Variants in KANK1 observed in about 807,000 individuals in gnomAD.
The protein encoded by KANK1 is KN motif and ankyrin repeat domains 1.
Under a neutral mutation model 106.2 loss-of-function variants are expected in KANK1, and 109 were observed. The observed-to-expected ratio is 1.03, with a 90% confidence interval of 0.88 to 1.20. The LOEUF (loss-of-function observed/expected upper bound fraction) is 1.20. KANK1 is among the 50% of genes most tolerant of loss of function. KANK1 has a pLI of 0.00. For synonymous variants in KANK1, 873 were observed against 652.2 expected (o/e 1.34, Z -5.16); for missense variants, 2,399 against 1,710.7 (o/e 1.40, Z -7.10).
chr9:631,578 G>A lies in KANK1; in HGVS notation c.-83-45312G>A, dbSNP rs558811647. On this transcript the variant is annotated intron_variant, in intron 1 of 11. Coordinates refer to ENST00000382297, the MANE Select transcript of KANK1 (RefSeq NM_015158.5). ...CCTCCTCCTCTAGGCAAGGCAAGTC[G>A]TTTTCCTCATCTCAGCCAGAGCAGT... Among the ~76,000 whole-genome samples, 45 of 152,178 alleles carry A rather than the reference G, an allele frequency of 3.0e-4. 1 individual carries two copies. Among genetic ancestry groups the A allele is most frequent in the African/African-American group, 9.2e-4 (38 of 41,492 alleles).
intron 1 of KANK1, among the ~76,000 whole-genome samples, chr9:663,973 C>T (rs987039264): frequency 2.0e-5 from 3 of 152,094 alleles, no homozygotes; most frequent in Middle Eastern, 3.2e-3. Context: ...TATGGTTTGG[C>T]TGTATCCTCA....
At chr9:610,014 A>G (rs1031457430) in intron 1 of KANK1, among the ~76,000 whole-genome samples, 1 of 152,150 alleles carries the variant, frequency 6.6e-6, no homozygotes, top group South Asian at 2.1e-4. Flanking sequence ...AGCCTTTACA[A>G]TTATAATGAT....
intron 1 of KANK1, among the ~76,000 whole-genome samples, chr9:675,542 T>C (rs980683417): frequency 2.6e-5 from 4 of 152,150 alleles, no homozygotes; most frequent in Non-Finnish European, 5.9e-5. Context: ...AATTTTGTGA[T>C]TGAAATATAA....
chr9:636,650 G>A (rs894742862), intron 1 of KANK1, among the ~76,000 whole-genome samples: 3 of 152,160 alleles, frequency 2.0e-5, no homozygotes, highest in East Asian at 3.9e-4. Context: ...GGCGGATCAC[G>A]AGGTCAGGAG....
intron 3 of KANK1, among the ~76,000 whole-genome samples, chr9:475,297 TGCTA>T (rs2058084480): frequency 6.6e-6 from 1 of 152,024 alleles, no homozygotes; most frequent in African/African-American, 2.4e-5. Flanking sequence ...CCCTCCCAAA[TGCTA>T]GCAGGCCACT....
intron 2 of KANK1, chr9:707,013 C>T (rs1163098527): frequency 4.1e-6 from 4 of 985,324 alleles, no homozygotes; most frequent in Admixed American, 6.1e-5. Flanking sequence ...ATTAAGAAAA[C>T]AGGGAATGCG....
intron 1 of KANK1, among the ~76,000 whole-genome samples, chr9:568,479 C>G (rs1250561691): frequency 1.3e-5 from 2 of 152,140 alleles, no homozygotes; most frequent in East Asian, 3.9e-4. Flanking sequence ...GAGGCAGAGA[C>G]TTGCTCTGTG....
intron 3 of KANK1, among the ~76,000 whole-genome samples, chr9:722,519 C>T (rs1455689097): frequency 4.6e-5 from 7 of 152,122 alleles, no homozygotes; most frequent in South Asian, 4.2e-4. Flanking sequence ...ACGTTTTCTT[C>T]GTTTTGCTCA....
At chr9:544,788 A>T (rs763922357) in intron 1 of KANK1, among the ~76,000 whole-genome samples, 33 of 145,944 alleles carry the variant, frequency 2.3e-4, no homozygotes, top group Non-Finnish European at 4.5e-4. Context: ...TTTAGAACCA[A>T]AGAGAGTTTA....
At chr9:577,688 A>G (rs966381096) in intron 1 of KANK1, among the ~76,000 whole-genome samples, 1 of 152,186 alleles carries the variant, frequency 6.6e-6, no homozygotes, top group Non-Finnish European at 1.5e-5. Context: ...AGAAGTACAC[A>G]TTCTCAAGTT....
At chr9:705,356 C>G (rs1823793573) in intron 2 of KANK1, among the ~76,000 whole-genome samples, 1 of 152,086 alleles carries the variant, frequency 6.6e-6, no homozygotes, top group Non-Finnish European at 1.5e-5. Context: ...CGTGGTGGCA[C>G]ACGCCTGTAA....
intron 1 of KANK1, among the ~76,000 whole-genome samples, chr9:581,045 C>T (rs1044236589): frequency 6.6e-5 from 10 of 151,844 alleles, no homozygotes; most frequent in Non-Finnish European, 8.8e-5. Flanking sequence ...AGGGGCCGGC[C>T]GCTCCAAGTG....
chr9:680,225 A>G (rs1431538687), intron 2 of KANK1, among the ~76,000 whole-genome samples: 4 of 152,148 alleles, frequency 2.6e-5, no homozygotes, highest in Non-Finnish European at 5.9e-5. Flanking sequence ...CCATAGTGTT[A>G]GTAATAAAAC....
chr9:664,091 A>G lies in KANK1; in HGVS notation c.-83-12799A>G, dbSNP rs577995207. On this transcript the variant is annotated intron_variant, in intron 1 of 11. Transcript: ENST00000382297. ...GCAGTTACCCTGATTCTGTTCTTGT[A>G]ATAGTGAGTTTTCATGAGATCTTTA... is the stretch of plus-strand genomic sequence containing the variant. Among the ~76,000 whole-genome samples the G allele has an allele frequency of 1.6e-4, 25 of 152,234 alleles. No individual in the cohort carries two copies. In the South Asian group the frequency reaches 4.8e-3, roughly 29 times the overall value.
At chr9:739,338 T>C (rs1469280277) in intron 8 of KANK1, among the ~76,000 whole-genome samples, 1 of 152,232 alleles carries the variant, frequency 6.6e-6, no homozygotes, top group Non-Finnish European at 1.5e-5. Context: ...AACCTTAGAA[T>C]ATGCAATCAT....
chr9:712,419 C>A lies in KANK1; in HGVS notation c.1653C>A (p.Cys551Ter). The change falls in exon 3 of 12, where the codon TGC becomes TGA. Residue 551 changes from cysteine (C) to a stop codon, truncating the protein, a stop_gained. Coordinates refer to ENST00000382297, the MANE Select transcript of KANK1 (RefSeq NM_015158.5). LOFTEE classifies it high-confidence loss of function. ...SVETNSVGIS[C>*]QPECKNKVVG... ...AAACAAACAGTGTAGGCATCTCCTG[C>A]CAGCCTGAATGTAAGAATAAAGTCG... 4 of 1,614,124 alleles carry A rather than the reference C, an allele frequency of 2.5e-6. No homozygotes were observed. Among genetic ancestry groups the A allele is most frequent in the Non-Finnish European group, 3.4e-6 (4 of 1,180,040 alleles).
chr9:710,902 C>T lies in KANK1; in HGVS notation c.136C>T (p.Leu46Phe). The T allele has an allele frequency of 8.7e-6, 14 of 1,614,120 alleles. No homozygotes were observed. The highest frequency in any genetic ancestry group is 1.2e-5 in the Non-Finnish European group (14 of 1,180,008). Residue 46 changes from leucine to phenylalanine, a missense_variant, in exon 3 of 12, where the codon CTC becomes TTC. Physicochemically the swap from Leu to Phe is conservative, Grantham distance 22. Coordinates refer to ENST00000382297, the MANE Select transcript of KANK1 (RefSeq NM_015158.5). ...PYGYQLDLDFLKYVDDIQKGN... is the reference protein window; with the variant it reads ...PYGYQLDLDFFKYVDDIQKGN... ...TGGTTATCAACTAGACTTAGATTTC[C>T]TCAAATATGTGGATGACATACAGAA...
chr9:618,100 T>C (rs1832279022), intron 1 of KANK1, among the ~76,000 whole-genome samples: 1 of 152,300 alleles, frequency 6.6e-6, no homozygotes, highest in Admixed American at 6.5e-5. Flanking sequence ...CTGCTTCCTT[T>C]AGGTAAGGAA....
intron 1 of KANK1, among the ~76,000 whole-genome samples, chr9:585,910 CAG>C (rs1321655934): frequency 1.3e-5 from 2 of 152,178 alleles, no homozygotes; most frequent in South Asian, 4.1e-4. Flanking sequence ...TGAAGGTCAA[CAG>C]GGGAGTTTAT....
Sources: gnomAD v4.1 joint callset for allele counts (sites outside exome capture counted in the v4.1 genomes callset) on GRCh38, gnomAD v4.1.1 for gene constraint, MANE v1.5 for transcripts, NCBI Gene and HGNC (gene_info 2026-07-23, HGNC 2026-07-21) for gene names.